The following NOTCH4 variants were observed in gnomAD, a reference collection of about 807,000 sequenced individuals.
NOTCH4 encodes notch receptor 4.
A neutral mutation model predicts 189.0 loss-of-function variants in NOTCH4; 138 were observed. The observed-to-expected ratio is 0.73, with a 90% CI of 0.64 to 0.84. The LOEUF is 0.84. NOTCH4 is among the 40% of genes least tolerant of loss of function. The pLI, the probability that NOTCH4 is intolerant of heterozygous loss-of-function variation, is 0.00. For synonymous variants in NOTCH4, 942 were observed against 1,032.8 expected (o/e 0.91, Z 1.69); for missense variants, 2,286 against 2,605.4 (o/e 0.88, Z 2.67).
chr6:32,215,176 G>A (rs750108816), intron 12 of NOTCH4, 50 bp downstream of exon 12: 25 of 1,491,296 alleles, frequency 1.7e-5, no homozygotes, highest in Admixed American at 6.8e-5. Flanking sequence ...CTGTCCTAGC[G>A]AAGGGAGCCC....
chr6:32,202,054 C>A lies in NOTCH4; in HGVS notation c.3755+22G>T. 1 of 1,433,270 alleles carries A rather than the reference C, an allele frequency of 7.0e-7. No homozygotes were observed. Among genetic ancestry groups the A allele is most frequent in the Non-Finnish European group, 9.2e-7 (1 of 1,084,872 alleles). The allele number at this position is 1,433,270 out of a possible 1,614,324, so 88.8% of individuals were successfully genotyped here. The stretch of plus-strand genomic sequence containing the variant: ...CTCACCCACCCCTCTCCTTCCCTGG[C>A]TCCAGTGGATTTCAGGCTCACGTGC... On this transcript the variant is annotated intron_variant, in intron 21 of 29. Transcript: ENST00000375023. This position sits in a 1 kb window ranked among gnomAD's most constrained non-coding sequence, Gnocchi z 5.7.
In NOTCH4 at chr6:32,212,456, A is replaced by G. The variant is rs368886391; in HGVS notation, c.2680+18T>C. The G allele has an allele frequency of 4.4e-6, 7 of 1,588,702 alleles. No individual in the cohort carries two copies. The African/African-American group carries it at 6.7e-5, about 15-fold the overall frequency. ...TATTTTCTTCATTTGCTCTCCAGTC[A>G]GTGCCGGCGTTGGTTACCTTGGCTC... On this transcript the variant is annotated intron_variant, in intron 17 of 29. Coordinates refer to ENST00000375023, the MANE Select transcript of NOTCH4 (RefSeq NM_004557.4). The surrounding 1 kb of genome is among the most constrained non-coding windows in gnomAD (Gnocchi z 4.4).
In NOTCH4 at chr6:32,202,558, G is replaced by A. The variant is rs767700696; in HGVS notation, c.3273C>T (p.Cys1091=). 3.7e-6 allele frequency: 6 copies of A among 1,601,798 alleles called. No individual in the cohort carries two copies. In the Admixed American group the frequency reaches 5.0e-5, roughly 13 times the overall value. Residue 1091 remains cysteine, a synonymous_variant, in exon 21 of 30, where the codon TGC becomes TGT. Coordinates refer to ENST00000375023, the MANE Select transcript of NOTCH4 (RefSeq NM_004557.4). This position sits in a 1 kb window ranked among gnomAD's most constrained non-coding sequence, Gnocchi z 5.7. ...CTCCGTGGTGGCAGTGATGGAAGCC[G>A]CAGGAAGGGGCCCTGTGGCTGCAGG... The part of the protein sequence containing the change: ...GPTCSHRAPS[C]GFHHCHHGGL...
chr6:32,223,324 C>A (rs995371135), intron 1 of NOTCH4, among the ~76,000 whole-genome samples: 12 of 152,138 alleles, frequency 7.9e-5, no homozygotes, highest in Admixed American at 3.9e-4. Flanking sequence ...CAAGTCCAGC[C>A]TCGGACTCCA....
rs1402552825 is a variant in NOTCH4, at chr6:32,201,469, A to C, written c.3787T>G (p.Phe1263Val). Reference sequence around the variant, plus strand: ...CCTTTCTCACAGTGCCCGTTGTGGAAGTGATCATGGCAGTACTGGTCATAG... The same window carrying C: ...CCTTTCTCACAGTGCCCGTTGTGGACGTGATCATGGCAGTACTGGTCATAG... ...PAYDQYCHDH[F>V]HNGHCEKGCN... Residue 1263 changes from phenylalanine to valine, a missense_variant, in exon 22 of 30, where the codon TTC (phenylalanine) becomes GTC (valine). Coordinates refer to ENST00000375023, the MANE Select transcript of NOTCH4 (RefSeq NM_004557.4). This position sits in a 1 kb window ranked among gnomAD's most constrained non-coding sequence, Gnocchi z 5.5. 2.0e-6 allele frequency: 3 copies of C among 1,526,760 alleles called. No homozygotes were observed. The South Asian group carries it at 3.9e-5, about 20-fold the overall frequency. The allele number at this position is 1,526,760 out of a possible 1,614,324, so 94.6% of individuals were successfully genotyped here.
At chr6:32,205,547 CAAAAAAAA>C (rs9281672) in intron 18 of NOTCH4, among the ~76,000 whole-genome samples, 1 of 52,182 alleles carries the variant, frequency 1.9e-5, no homozygotes, top group Non-Finnish European at 3.2e-5. Flanking sequence ...GATGCTGTCT[CAAAAAAAA>C]AAAAAAAAAA....
chr6:32,218,259 G>A, intron 8 of NOTCH4, 151 bp from the exon 9 acceptor site: 1 of 640,766 alleles, frequency 1.6e-6, no homozygotes. Context: ...TGAACCCTGA[G>A]GCCCTGCTGC....
At chr6:32,196,843 G>C in intron 28 of NOTCH4, 82 bp downstream of exon 28, 5 of 1,526,506 alleles carry the variant, frequency 3.3e-6, no homozygotes, top group Non-Finnish European at 4.5e-6. Context: ...ATGCCCCTCT[G>C]CTGCACCTAT....
At chr6:32,219,909 T>C in intron 7 of NOTCH4, 123 bp from the exon 8 acceptor site, 1 of 900,008 alleles carries the variant, frequency 1.1e-6, no homozygotes, top group Non-Finnish European at 1.7e-6. Context: ...GGAAGGGGCT[T>C]GTGTCTTTAA....
At chr6:32,214,396 C>T in intron 12 of NOTCH4, 141 bp from the exon 13 acceptor site, 3 of 776,266 alleles carry the variant, frequency 3.9e-6, no homozygotes, top group Non-Finnish European at 6.3e-6. Context: ...GCTCTCAGCA[C>T]CGCCCCCATC....
Position 32,202,942 on chromosome 6 carries a change from G to A in NOTCH4, c.3232-343C>T, listed in dbSNP as rs1788447136. ...ATTTTTGAGACAGAGTTTCGCTCTT[G>A]TTGTCCAGGCTGGAGTGCAATGGTG... On this transcript the variant is annotated intron_variant, in intron 20 of 29. Transcript: ENST00000375023. The surrounding 1 kb of genome is among the most constrained non-coding windows in gnomAD (Gnocchi z 5.7). 5.6e-6 allele frequency: 1 copy of A among 177,398 alleles called. No homozygotes were observed. The highest frequency in any genetic ancestry group is 1.2e-5 in the Non-Finnish European group (1 of 85,496). The allele number at this position is 177,398 out of a possible 1,614,324, so 11.0% of individuals were successfully genotyped here.
chr6:32,207,123 G>T (rs921204221), intron 18 of NOTCH4, among the ~76,000 whole-genome samples: 9 of 151,136 alleles, frequency 6.0e-5, no homozygotes, highest in Admixed American at 3.3e-4. Context: ...AGAGACGGGG[G>T]TTTCACTATG....
Position 32,212,347 on chromosome 6 carries a change from T to G in NOTCH4, c.2680+127A>C, listed in dbSNP as rs1023989940. ...ACCTCTGCAATCAAGAACTGATTTG[T>G]CTGTGTGGTTTTGATTCTCAGATGG... On this transcript the variant is annotated intron_variant, in intron 17 of 29. Coordinates refer to ENST00000375023, the MANE Select transcript of NOTCH4 (RefSeq NM_004557.4). The surrounding 1 kb of genome is among the most constrained non-coding windows in gnomAD (Gnocchi z 4.4). 14 of 831,176 alleles carry G rather than the reference T, an allele frequency of 1.7e-5. No homozygotes were observed. The African/African-American group carries it at 2.2e-4, about 13-fold the overall frequency. 51.5% of individuals were successfully genotyped at this position (831,176 alleles called of 1,614,324 possible).
chr6:32,222,595 GA>G lies in NOTCH4; in HGVS notation c.366del (p.Pro123LeufsTer129), dbSNP rs757358902. The G allele has an allele frequency of 1.2e-6, 2 of 1,602,122 alleles. No homozygotes were observed. The highest frequency in any genetic ancestry group is 4.5e-5 in the East Asian group (2 of 44,726). On this transcript the variant is annotated frameshift_variant, in exon 3 of 30. Transcript: ENST00000375023. LOFTEE classifies it high-confidence loss of function. The part of the protein sequence containing the change: ...ERCQAKLEDP[C>X]PPSFCSKRGR... Reference sequence around the variant, plus strand: ...CCCCTTTTGGAACAGAAGGAGGGAGGACAAGGGTCTTCAAGCTTGGCCTGGC... The same window carrying G: ...CCCCTTTTGGAACAGAAGGAGGGAGGCAAGGGTCTTCAAGCTTGGCCTGGC...
At position 32,220,308 on chromosome 6, in the gene NOTCH4, G is replaced by T. The variant is rs866590118; in HGVS notation, c.1160-24C>A. On this transcript the variant is annotated intron_variant, in intron 6 of 29. Transcript: ENST00000375023. The stretch of plus-strand genomic sequence containing the variant: ...TCCTGGAGGGGTAAGAGGGGGTGAG[G>T]CTCTCAAAGGCCACTTGAAGCTCCT... 2.5e-5 allele frequency: 41 copies of T among 1,609,326 alleles called. No individual in the cohort carries two copies. In the Middle Eastern group the frequency reaches 4.3e-3, roughly 169 times the overall value.
At chr6:32,213,098 G>T (rs751292164) in intron 15 of NOTCH4, 37 bp downstream of exon 15, 5 of 1,511,996 alleles carry the variant, frequency 3.3e-6, no homozygotes, top group South Asian at 1.1e-5. Flanking sequence ...AGGCTGAGGG[G>T]TTTTCTCCCT....
chr6:32,201,557 A>G lies in NOTCH4; in HGVS notation c.3756-57T>C, dbSNP rs776063952. On this transcript the variant is annotated intron_variant, in intron 21 of 29. Coordinates refer to ENST00000375023, the MANE Select transcript of NOTCH4 (RefSeq NM_004557.4). The surrounding 1 kb of genome is among the most constrained non-coding windows in gnomAD (Gnocchi z 5.5). ...TCCCTAAAACCTGACTCTTTTCTTC[A>G]CCCTAGAAAGAATTCCCCATATTTT... The G allele has an allele frequency of 9.2e-6, 13 of 1,415,704 alleles. No individual in the cohort carries two copies. Among genetic ancestry groups the G allele is most frequent in the Non-Finnish European group, 1.2e-5 (13 of 1,084,432 alleles). 87.7% of individuals were successfully genotyped at this position (1,415,704 alleles called of 1,614,324 possible). A position where few individuals can be genotyped will look rare whatever the true frequency, so the allele number is the denominator to read the frequency against.
Position 32,222,944 on chromosome 6 carries a change from T to TC in NOTCH4, c.155+60dup, listed in dbSNP as rs574330486. ...TTCTTTGGTCTCACTTCCTCACCTC[T>TC]CCCCCCCTGCTCTCCCTCCCCCTTT... On this transcript the variant is annotated intron_variant, in intron 2 of 29. Transcript: ENST00000375023. 542 of 1,545,346 alleles carry TC rather than the reference T, an allele frequency of 3.5e-4. 2 individuals carry two copies. The African/African-American group carries it at 5.9e-3, about 17-fold the overall frequency.
In NOTCH4 at chr6:32,216,939, G is replaced by A; in HGVS notation, c.1861+6C>T. 1 of 1,613,026 alleles carries A rather than the reference G, an allele frequency of 6.2e-7. No homozygotes were observed. Among genetic ancestry groups the A allele is most frequent in the South Asian group, 1.1e-5 (1 of 91,078 alleles). ...GCCAGTTCTTTCCAGTGCCTCCCCT[G>A]TGAACCTGTGAAACCAGAGGGGCAG... is the stretch of plus-strand genomic sequence containing the variant. On this transcript the variant is annotated splice_donor_region_variant and intron_variant, in intron 11 of 29. Transcript: ENST00000375023.
Sources: gnomAD v4.1 joint callset for allele counts (sites outside exome capture counted in the v4.1 genomes callset) on GRCh38, gnomAD v4.1.1 for gene constraint, Gnocchi (gnomAD v3.1) non-coding constraint, MANE v1.5 for transcripts, NCBI Gene and HGNC (gene_info 2026-07-23, HGNC 2026-07-21) for gene names.